KCNQ1: variants seen among roughly 807,000 people sequenced by gnomAD.
The protein encoded by KCNQ1 is potassium voltage-gated channel subfamily KQT member 1.
A neutral mutation model predicts 72.4 loss-of-function variants in KCNQ1; 49 were observed. That is an observed-to-expected ratio of 0.68 (90% CI 0.54 to 0.86). KCNQ1 has a LOEUF of 0.86. Ranked by LOEUF, KCNQ1 falls within the 40% of genes least tolerant of loss-of-function variation. The pLI is 0.00. For synonymous variants in KCNQ1, 450 were observed against 412.6 expected, an observed-to-expected ratio of 1.09 and a Z score of -1.10; for missense variants, 790 against 945.1, an observed-to-expected ratio of 0.84 and a Z score of 2.15.
At chr11:2,802,090 A>G (rs1847279327) in intron 15 of KCNQ1, among the ~76,000 whole-genome samples, 2 of 152,128 alleles carry the variant, frequency 1.3e-5, no homozygotes, top group African/African-American at 4.8e-5. Flanking sequence ...CCAGACTCAC[A>G]CCGGCCCAGG....
At chr11:2,717,528 C>G (rs567044245) in intron 11 of KCNQ1, among the ~76,000 whole-genome samples, 1 of 152,194 alleles carries the variant, frequency 6.6e-6, no homozygotes, top group East Asian at 1.9e-4. Context: ...AATGAAAGTG[C>G]CTCTGCCCCA....
intron 1 of KCNQ1, 152 bp downstream of exon 1, chr11:2,445,636 C>T: frequency 4.2e-6 from 4 of 955,688 alleles, no homozygotes; most frequent in South Asian, 1.4e-5. Context: ...ACAAACTCTG[C>T]ACTCTCCCTT....
At position 2,653,702 on chromosome 11, in the gene KCNQ1, G is replaced by A; in HGVS notation, c.1394-8259G>A. On this transcript the variant is annotated intron_variant, in intron 10 of 15. Transcript: ENST00000155840. This position sits in a 1 kb window ranked among gnomAD's most constrained non-coding sequence, Gnocchi z 5.3. Reference sequence around the variant, plus strand: ...CAGCTCAGGAAGCCCAGCAGAACGAGGTCATCTCTTCCAGGATTCCTGCCA... The same window carrying A: ...CAGCTCAGGAAGCCCAGCAGAACGAAGTCATCTCTTCCAGGATTCCTGCCA... 1 of 398,686 alleles carries A rather than the reference G, an allele frequency of 2.5e-6. No individual in the cohort carries two copies. Among genetic ancestry groups the A allele is most frequent in the Non-Finnish European group, 4.4e-6 (1 of 226,092 alleles). 24.7% of individuals were successfully genotyped at this position (398,686 alleles called of 1,614,324 possible).
Position 2,522,051 on chromosome 11 carries a change from G to A in KCNQ1, c.387-5877G>A, listed in dbSNP as rs1442245520. On this transcript the variant is annotated intron_variant, in intron 1 of 15. Transcript: ENST00000155840. ...ATTCTCCTGTGTTCCCGGGCACCCGGGGCTGAGATGTTGAAATGATGTCGG... is the reference window on the plus strand; with the variant it reads ...ATTCTCCTGTGTTCCCGGGCACCCGAGGCTGAGATGTTGAAATGATGTCGG... Among the ~76,000 whole-genome samples, 5 of 152,364 alleles carry A rather than the reference G, an allele frequency of 3.3e-5. No individual in the cohort carries two copies. The East Asian group carries it at 7.7e-4, about 24-fold the overall frequency.
chr11:2,620,962 G>GT lies in KCNQ1; in HGVS notation c.1393+32114dup, dbSNP rs1849161601. ...TGTTTTGTTTTGTTTTTTTTTGTCT[G>GT]TTTTTTGCTTTTTTGTTTGTTTGTT... is the stretch of plus-strand genomic sequence containing the variant. On this transcript the variant is annotated intron_variant, in intron 10 of 15. Coordinates refer to ENST00000155840, the MANE Select transcript of KCNQ1 (RefSeq NM_000218.3). The surrounding 1 kb of genome is among the most constrained non-coding windows in gnomAD (Gnocchi z 4.5). The GT allele has an allele frequency of 2.7e-6, 1 of 371,664 alleles. No individual in the cohort carries two copies. The highest frequency in any genetic ancestry group is 4.7e-6 in the Non-Finnish European group (1 of 213,310). 23.0% of individuals were successfully genotyped at this position (371,664 alleles called of 1,614,324 possible).
intron 11 of KCNQ1, chr11:2,696,347 C>T: frequency 5.0e-6 from 2 of 398,634 alleles, no homozygotes; most frequent in Non-Finnish European, 8.8e-6. Context: ...TTTCCAACAT[C>T]ATCTTCTGAA....
chr11:2,523,373 T>C (rs1362455284), intron 1 of KCNQ1, among the ~76,000 whole-genome samples: 1 of 152,146 alleles, frequency 6.6e-6, no homozygotes, highest in African/African-American at 2.4e-5. Flanking sequence ...AATTTTTTCA[T>C]ATTTTTAGTA....
At position 2,662,121 on chromosome 11, in the gene KCNQ1, G is replaced by A. The variant is rs539228409; in HGVS notation, c.1514+40G>A. On this transcript the variant is annotated intron_variant, in intron 11 of 15. Transcript: ENST00000155840. Reference sequence around the variant, plus strand: ...GTGCGTGAAGGGCTGGGCTGGAGGGGACTGGAGCTCAAGGAGTCAGACTTG... The same window carrying A: ...GTGCGTGAAGGGCTGGGCTGGAGGGAACTGGAGCTCAAGGAGTCAGACTTG... 3.1e-6 allele frequency: 5 copies of A among 1,613,534 alleles called. No homozygotes were observed. In the South Asian group the frequency reaches 3.3e-5, roughly 11 times the overall value.
chr11:2,664,577 T>C lies in KCNQ1; in HGVS notation c.1514+2496T>C, dbSNP rs1850030122. On this transcript the variant is annotated intron_variant, in intron 11 of 15. Coordinates refer to ENST00000155840, the MANE Select transcript of KCNQ1 (RefSeq NM_000218.3). The surrounding 1 kb of genome is among the most constrained non-coding windows in gnomAD (Gnocchi z 5.1). The stretch of plus-strand genomic sequence containing the variant: ...GGGCCGTGCAGGTCTTCTGCCCGCA[T>C]TGGGGCTGCATTCCTCCACCTCCTG... 1 of 398,630 alleles carries C rather than the reference T, an allele frequency of 2.5e-6. No individual in the cohort carries two copies. Among genetic ancestry groups the C allele is most frequent in the Non-Finnish European group, 4.4e-6 (1 of 226,114 alleles). 24.7% of individuals were successfully genotyped at this position (398,630 alleles called of 1,614,324 possible).
At chr11:2,667,281 T>A in intron 11 of KCNQ1, 1 of 398,514 alleles carries the variant, frequency 2.5e-6, no homozygotes. Flanking sequence ...GGGCTGCTGC[T>A]ATGGGGAGAG....
chr11:2,542,769 A>T (rs74884940), intron 2 of KCNQ1, among the ~76,000 whole-genome samples: 2,022 of 152,222 alleles, frequency 0.013, 20 homozygotes, highest in Non-Finnish European at 0.021. Context: ...GGCATGTAAT[A>T]ATTCATTCCT....
intron 15 of KCNQ1, among the ~76,000 whole-genome samples, chr11:2,814,533 G>A (rs1046682113): frequency 2.6e-5 from 4 of 151,946 alleles, no homozygotes; most frequent in African/African-American, 9.7e-5. Flanking sequence ...GAGACGGCTG[G>A]GTGGGTGAGC....
rs1845713731 is a variant in KCNQ1 at position 2,723,869 on chromosome 11, AG to A, written c.1515-44970del. Among the ~76,000 whole-genome samples the A allele has an allele frequency of 6.6e-6, 1 of 152,142 alleles. No homozygotes were observed. The highest frequency in any genetic ancestry group is 2.4e-5 in the African/African-American group (1 of 41,440). On this transcript the variant is annotated intron_variant, in intron 11 of 15. Coordinates refer to ENST00000155840, the MANE Select transcript of KCNQ1 (RefSeq NM_000218.3). This position sits in a 1 kb window ranked among gnomAD's most constrained non-coding sequence, Gnocchi z 4.2. ...GTGGTCAAAGCAAGTCACGGATTCC[AG>A]GGGGACCTCGGGACGAGGAAGTCAC... is the stretch of plus-strand genomic sequence containing the variant.
chr11:2,584,516 TGTGTGTTA>T (rs1329452623), intron 7 of KCNQ1, among the ~76,000 whole-genome samples: 3 of 144,134 alleles, frequency 2.1e-5, no homozygotes, highest in African/African-American at 7.7e-5. Context: ...TGTGTGTGTT[TGTGTGTTA>T]GTGTGTGTGT....
intron 11 of KCNQ1, among the ~76,000 whole-genome samples, chr11:2,727,418 G>A (rs1177632759): frequency 6.6e-6 from 1 of 152,204 alleles, no homozygotes; most frequent in Non-Finnish European, 1.5e-5. Flanking sequence ...TCAGGTGTCA[G>A]GGACCACCAG....
At chr11:2,572,770 G>C in intron 5 of KCNQ1, 76 bp from the exon 6 acceptor site, 2 of 1,592,196 alleles carry the variant, frequency 1.3e-6, no homozygotes, top group Non-Finnish European at 8.6e-7. Flanking sequence ...GCTGGGACTC[G>C]CTGCCTTAGG....
chr11:2,631,278 A>G, intron 10 of KCNQ1: 1 of 398,362 alleles, frequency 2.5e-6, no homozygotes. Context: ...TTACCTTTTC[A>G]TTCTTTATTT....
chr11:2,721,144 G>A (rs932344435), intron 11 of KCNQ1, among the ~76,000 whole-genome samples: 1 of 152,156 alleles, frequency 6.6e-6, no homozygotes, highest in Non-Finnish European at 1.5e-5. Flanking sequence ...TGGACGCCGG[G>A]GGGACATGTT....
Position 2,462,770 on chromosome 11 carries a change from G to A in KCNQ1, c.386+17286G>A, listed in dbSNP as rs7112767. Reference sequence around the variant, plus strand: ...AAGAACCACAGGCAAAGAGGGTGCCGGGGGCAGGGAAGGCCTGGAGGTTTG... The same window carrying A: ...AAGAACCACAGGCAAAGAGGGTGCCAGGGGCAGGGAAGGCCTGGAGGTTTG... On this transcript the variant is annotated intron_variant, in intron 1 of 15. Transcript: ENST00000155840. The surrounding 1 kb of genome is among the most constrained non-coding windows in gnomAD (Gnocchi z 8.2). Among the ~76,000 whole-genome samples the A allele has an allele frequency of 2.8e-3, 426 of 152,256 alleles. 4 individuals are homozygous for A. The highest frequency in any genetic ancestry group is 9.8e-3 in the African/African-American group (409 of 41,554).
Sources: allele counts gnomAD v4.1 joint callset (sites outside exome capture counted in the v4.1 genomes callset), GRCh38; gene constraint gnomAD v4.1.1; non-coding constraint Gnocchi (gnomAD v3.1); transcripts MANE v1.5; gene names NCBI Gene and HGNC (gene_info 2026-07-23, HGNC 2026-07-21).